The following UTRN variants were observed in gnomAD, a reference collection of about 807,000 sequenced individuals.
The protein encoded by UTRN is utrophin.
UTRN carries 283 observed loss-of-function variants against 463.9 expected under a neutral mutation model. The ratio of observed to expected loss-of-function variants is 0.61; its 90% CI spans 0.55 to 0.67. UTRN has a LOEUF of 0.67. UTRN is among the 30% of genes least tolerant of loss of function. The pLI, the probability that UTRN is intolerant of heterozygous loss-of-function variation, is 0.00. For synonymous variants in UTRN, 1,442 were observed against 1,431.5 expected (o/e 1.01, Z -0.17); for missense variants, 3,922 against 4,084.3 (o/e 0.96, Z 1.08).
Position 144,490,121 on chromosome 6 carries a change from A to G in UTRN, c.4185A>G (p.Arg1395=), listed in dbSNP as rs759885885. 6.2e-7 allele frequency: 1 copy of G among 1,613,674 alleles called. No homozygotes were observed. The change falls in exon 31 of 75, where the codon AGA becomes AGG. Residue 1395 remains arginine (R), a synonymous_variant. Coordinates refer to ENST00000367545, the MANE Select transcript of UTRN (RefSeq NM_007124.3). ...SAHELTLEEL[R]RNMRSQPLTS... ...ATGAGCTAACCCTAGAGGAGTTGAG[A>G]AGAAATATGCGTTCTCAGCCCCTGA...
intron 55 of UTRN, among the ~76,000 whole-genome samples, chr6:144,749,618 CCTTAATTTGGAAGCTCTTCAAAAA>C (rs1441994457): frequency 6.6e-6 from 1 of 152,032 alleles, no homozygotes; most frequent in African/African-American, 2.4e-5. Context: ...ATCTCGAGCC[CCTTAATTTGGAAGCTCTTCAAAAA>C]CAAAAGATAA....
At chr6:144,774,725 C>T (rs1775161754) in intron 60 of UTRN, among the ~76,000 whole-genome samples, 1 of 152,176 alleles carries the variant, frequency 6.6e-6, no homozygotes, top group Non-Finnish European at 1.5e-5. Context: ...TCCAGTTTGT[C>T]TCAATACCAC....
At chr6:144,699,888 T>TGTATATCATACATATATATGTATATATA (rs1784409399) in intron 52 of UTRN, among the ~76,000 whole-genome samples, 199 bp from the exon 53 acceptor site, 4 of 148,418 alleles carry the variant, frequency 2.7e-5, no homozygotes, top group East Asian at 3.9e-4. Flanking sequence ...ATTGTATATA[T>TGTATATCATACATATATATGTATATATA]GTATATCATA....
intron 51 of UTRN, among the ~76,000 whole-genome samples, chr6:144,604,431 T>A (rs1361019154): frequency 1.3e-5 from 2 of 152,304 alleles, no homozygotes; most frequent in Non-Finnish European, 2.9e-5. Flanking sequence ...ATCTGCAAGA[T>A]TATGAAACTG....
chr6:144,782,771 C>T (rs1228562842), intron 61 of UTRN, among the ~76,000 whole-genome samples: 2 of 152,084 alleles, frequency 1.3e-5, no homozygotes, highest in Non-Finnish European at 2.9e-5. Context: ...TAATTTGGCC[C>T]TTTTGAATAC....
intron 2 of UTRN, among the ~76,000 whole-genome samples, chr6:144,353,844 AAAAC>A (rs58871410): frequency 2.6e-5 from 4 of 151,720 alleles, no homozygotes; most frequent in South Asian, 2.1e-4. Context: ...GAGACTGTCT[AAAAC>A]AAACAAACAA....
At chr6:144,561,204 AT>A (rs1158797972) in intron 50 of UTRN, among the ~76,000 whole-genome samples, 1 of 88,662 alleles carries the variant, frequency 1.1e-5, no homozygotes, top group Admixed American at 1.4e-4. Context: ...CAAAAATAAC[AT>A]TATATATATA....
In UTRN at chr6:144,826,670, G is replaced by A. The variant is rs1025234120; in HGVS notation, c.9495-678G>A. Among the ~76,000 whole-genome samples the A allele has an allele frequency of 3.9e-5, 6 of 152,010 alleles. No homozygotes were observed. The East Asian group carries it at 7.7e-4, about 20-fold the overall frequency. ...CAAGCAGAACAAGTTTTTTTGCATC[G>A]ATTCATAGTTTAAACTTCTAAAAAA... is the stretch of plus-strand genomic sequence containing the variant. On this transcript the variant is annotated intron_variant, in intron 66 of 74. Transcript: ENST00000367545.
At chr6:144,699,066 A>G (rs1784297772) in intron 52 of UTRN, among the ~76,000 whole-genome samples, 1 of 152,184 alleles carries the variant, frequency 6.6e-6, no homozygotes, top group Non-Finnish European at 1.5e-5. Flanking sequence ...AAACATTGCT[A>G]TTGTTCTGCT....
intron 66 of UTRN, among the ~76,000 whole-genome samples, chr6:144,824,031 G>C (rs1280786925): frequency 1.3e-5 from 2 of 152,174 alleles, no homozygotes; most frequent in East Asian, 3.9e-4. Context: ...TAAGTATGAT[G>C]TGTTTGATGT....
chr6:144,362,808 T>C lies in UTRN; in HGVS notation c.80-40315T>C, dbSNP rs559241542. On this transcript the variant is annotated intron_variant, in intron 2 of 74. Coordinates refer to ENST00000367545, the MANE Select transcript of UTRN (RefSeq NM_007124.3). Reference sequence around the variant, plus strand: ...CAATATCTTGGGTCCTTACAACATCTGACCTATGAGGCTGATGAGTTTGCA... The same window carrying C: ...CAATATCTTGGGTCCTTACAACATCCGACCTATGAGGCTGATGAGTTTGCA... 2.6e-5 allele frequency among the ~76,000 whole-genome samples: 4 copies of C among 152,356 alleles called. No individual in the cohort carries two copies. The East Asian group carries it at 7.7e-4, about 29-fold the overall frequency.
chr6:144,531,942 C>G (rs755888979), intron 42 of UTRN, among the ~76,000 whole-genome samples: 15 of 151,980 alleles, frequency 9.9e-5, no homozygotes, highest in Non-Finnish European at 2.1e-4. Context: ...TCGAGACCAT[C>G]CTGGCTAACA....
intron 51 of UTRN, among the ~76,000 whole-genome samples, chr6:144,659,517 T>C (rs1430953138): frequency 6.6e-6 from 1 of 152,104 alleles, no homozygotes; most frequent in Non-Finnish European, 1.5e-5. Flanking sequence ...ATTGACAGCA[T>C]CCCTTAGGCC....
intron 41 of UTRN, among the ~76,000 whole-genome samples, chr6:144,530,219 G>A (rs1272482140): frequency 6.6e-6 from 1 of 152,212 alleles, no homozygotes; most frequent in Non-Finnish European, 1.5e-5. Flanking sequence ...CAAGGTGCCA[G>A]TAGATTTGGT....
intron 3 of UTRN, among the ~76,000 whole-genome samples, chr6:144,413,978 A>AT (rs1784143685): frequency 6.6e-6 from 1 of 151,814 alleles, no homozygotes; most frequent in South Asian, 2.1e-4. Flanking sequence ...TAATTTTTGT[A>AT]TTTTTAGTAG....
intron 2 of UTRN, among the ~76,000 whole-genome samples, chr6:144,322,607 A>C (rs912018385): frequency 2.0e-5 from 3 of 152,208 alleles, no homozygotes; most frequent in Non-Finnish European, 4.4e-5. Flanking sequence ...ATTAAATGAA[A>C]CTAACATCCT....
At chr6:144,502,657 A>G (rs889126784) in intron 34 of UTRN, among the ~76,000 whole-genome samples, 1 of 152,214 alleles carries the variant, frequency 6.6e-6, no homozygotes, top group Non-Finnish European at 1.5e-5. Context: ...CCAGTCTAAC[A>G]TTGATGGGCA....
At chr6:144,599,479 C>CT (rs1287764936) in intron 51 of UTRN, among the ~76,000 whole-genome samples, 1 of 151,902 alleles carries the variant, frequency 6.6e-6, no homozygotes, top group Non-Finnish European at 1.5e-5. Flanking sequence ...TTTTAAATCT[C>CT]TAAGTTGATT....
At chr6:144,569,326 T>C (rs183537739) in intron 50 of UTRN, among the ~76,000 whole-genome samples, 1 of 152,168 alleles carries the variant, frequency 6.6e-6, no homozygotes, top group Admixed American at 6.6e-5. Flanking sequence ...TTTAGTATAG[T>C]CATTATGTTT....
Sources: allele counts gnomAD v4.1 joint callset (sites outside exome capture counted in the v4.1 genomes callset), GRCh38; gene constraint gnomAD v4.1.1; transcripts MANE v1.5; gene names NCBI Gene and HGNC (gene_info 2026-07-23, HGNC 2026-07-21).